Variants in CRTAM observed in about 807,000 individuals in gnomAD.
The protein encoded by CRTAM is cytotoxic and regulatory T cell molecule.
Under a neutral mutation model 50.0 loss-of-function variants are expected in CRTAM, and 44 were observed. The observed-to-expected ratio is 0.88, with a 90% CI of 0.69 to 1.13. The LOEUF (loss-of-function observed/expected upper bound fraction) is 1.13, where lower values mean the gene tolerates loss of function less well. CRTAM is among the 50% of genes most tolerant of loss of function. The probability of loss-of-function intolerance (pLI) is 0.00; values close to 1 mark genes in which losing one functional copy is unlikely to be tolerated. For synonymous variants in CRTAM, 159 were observed against 169.3 expected, an observed-to-expected ratio of 0.94 and a Z score of 0.47; for missense variants, 448 against 457.5, an observed-to-expected ratio of 0.98 and a Z score of 0.19.
intron 5 of CRTAM, among the ~76,000 whole-genome samples, chr11:122,860,043 A>ACT (rs1862052447): frequency 6.6e-6 from 1 of 152,174 alleles, no homozygotes; most frequent in Admixed American, 6.6e-5. Context: ...ACTATTGCAA[A>ACT]TGAGGAGCTA....
intron 5 of CRTAM, among the ~76,000 whole-genome samples, chr11:122,860,251 T>C (rs936785193): frequency 5.9e-5 from 9 of 152,290 alleles, no homozygotes; most frequent in Non-Finnish European, 1.2e-4. Flanking sequence ...GGTTTCACCA[T>C]GTTGACCAGG....
At chr11:122,850,836 C>G (rs1861921108) in intron 2 of CRTAM, among the ~76,000 whole-genome samples, 1 of 152,234 alleles carries the variant, frequency 6.6e-6, no homozygotes. Flanking sequence ...TTGGGTTCAT[C>G]TCTTTGACGT....
intron 9 of CRTAM, 32 bp from the exon 10 acceptor site, chr11:122,871,237 A>G: frequency 6.3e-7 from 1 of 1,582,942 alleles, no homozygotes; most frequent in Non-Finnish European, 8.6e-7. Context: ...TATTCAAAAT[A>G]AATATTCATC....
At position 122,871,311 on chromosome 11, in the gene CRTAM, A is replaced by T; in HGVS notation, c.1094A>T (p.Tyr365Phe). Residue 365 changes from tyrosine (Y) to phenylalanine (F), a missense_variant, in exon 10 of 10, where the codon TAC becomes TTC. By Grantham distance (22) the Tyr-to-Phe change is conservative. Coordinates refer to ENST00000227348, the MANE Select transcript of CRTAM (RefSeq NM_019604.4). ...MRCMNYITKL[Y>F]SEAKTKRKEN... ...TGCATGAACTACATCACAAAGTTGT[A>T]CTCAGAAGCAAAAACAAAGAGGAAG... The T allele has an allele frequency of 6.2e-7, 1 of 1,613,818 alleles. No homozygotes were observed. The highest frequency in any genetic ancestry group is 8.5e-7 in the Non-Finnish European group (1 of 1,179,748).
intron 5 of CRTAM, among the ~76,000 whole-genome samples, chr11:122,856,600 G>A (rs973407941): frequency 6.6e-6 from 1 of 152,192 alleles, no homozygotes; most frequent in Non-Finnish European, 1.5e-5. Context: ...AAAGTATAAG[G>A]AATTACTCAC....
At chr11:122,863,345 GAAAGAA>G (rs1241923312) in intron 6 of CRTAM, among the ~76,000 whole-genome samples, 1,230 of 75,944 alleles carry the variant, frequency 0.016, 16 homozygotes, top group Middle Eastern at 0.029. Context: ...AAGAAAGAAA[GAAAGAA>G]AAAGAAAGAA....
In CRTAM at chr11:122,848,310, C is replaced by A. The variant is rs148459984; in HGVS notation, c.47-1758C>A. Among the ~76,000 whole-genome samples, 204 of 152,318 alleles carry A rather than the reference C, an allele frequency of 1.3e-3. 1 individual carries two copies. The highest frequency in any genetic ancestry group is 4.6e-3 in the African/African-American group (193 of 41,580). ...CAGCAAAAATCCCTTAGAAGAAATT[C>A]TATTGTCATTCTCTATTAATATCAT... On this transcript the variant is annotated intron_variant, in intron 1 of 9. Transcript: ENST00000227348.
At chr11:122,838,631 C>T (rs547814401) in intron 1 of CRTAM, 39 bp downstream of exon 1, 4 of 1,603,834 alleles carry the variant, frequency 2.5e-6, no homozygotes, top group Admixed American at 3.3e-5. Context: ...GCTCAGCTGA[C>T]TTAATGTTTT....
chr11:122,870,228 G>T (rs781430761), intron 9 of CRTAM, among the ~76,000 whole-genome samples: 7 of 151,934 alleles, frequency 4.6e-5, no homozygotes, highest in Admixed American at 2.0e-4. Context: ...CTACAGGCAC[G>T]CACCACCACG....
At chr11:122,858,091 T>C (rs992444690) in intron 5 of CRTAM, among the ~76,000 whole-genome samples, 13 of 152,160 alleles carry the variant, frequency 8.5e-5, no homozygotes, top group African/African-American at 3.1e-4. Flanking sequence ...TTTTAAATTT[T>C]TGCTGAGACG....
At chr11:122,852,328 C>G (rs755712449) in intron 3 of CRTAM, among the ~76,000 whole-genome samples, 1 of 152,182 alleles carries the variant, frequency 6.6e-6, no homozygotes, top group Non-Finnish European at 1.5e-5. Context: ...CAAACAATTC[C>G]TCTTTTCTGT....
Position 122,855,806 on chromosome 11 carries a change from G to C in CRTAM, c.602G>C (p.Arg201Thr), listed in dbSNP as rs1361060098. ...ACGGTGGACTGCATTATCCGACACA[G>C]AGGCCTGCAAGGGAGAAAACTAGTA... Reference protein sequence around the residue: ...NSTVDCIIRHRGLQGRKLVAP... With the variant: ...NSTVDCIIRHTGLQGRKLVAP... The change falls in exon 5 of 10, where the codon AGA (arginine) becomes ACA (threonine). Residue 201 changes from arginine to threonine, a missense_variant. Arg to Thr is a moderately conservative substitution (Grantham distance 71). Coordinates refer to ENST00000227348, the MANE Select transcript of CRTAM (RefSeq NM_019604.4). 2 of 1,614,140 alleles carry C rather than the reference G, an allele frequency of 1.2e-6. No homozygotes were observed. The highest frequency in any genetic ancestry group is 2.2e-5 in the South Asian group (2 of 91,082).
intron 5 of CRTAM, among the ~76,000 whole-genome samples, chr11:122,857,868 G>A (rs11218865): frequency 6.6e-6 from 1 of 152,114 alleles, no homozygotes; most frequent in African/African-American, 2.4e-5. Context: ...AAAGAGAGTA[G>A]AGCAACAGGA....
chr11:122,856,288 C>T (rs1862007049), intron 5 of CRTAM, among the ~76,000 whole-genome samples: 1 of 152,106 alleles, frequency 6.6e-6, no homozygotes, highest in South Asian at 2.1e-4. Flanking sequence ...GACATAATTC[C>T]TGTTTAGATT....
rs199677419 is a variant in CRTAM, at chr11:122,867,517, T to C, written c.926T>C (p.Ile309Thr). 5.8e-5 allele frequency: 94 copies of C among 1,614,094 alleles called. No individual in the cohort carries two copies. The highest frequency in any genetic ancestry group is 7.6e-5 in the Non-Finnish European group (90 of 1,179,988). ...FILFIIVQLF[I>T]MKLRKAHVIW... ...CTCTTCATCATAGTCCAGCTCTTCA[T>C]CATGAAGCTGAGGAAAGCACATGTG... The change falls in exon 8 of 10, where the codon ATC becomes ACC. Residue 309 changes from isoleucine (I) to threonine (T), a missense_variant. Coordinates refer to ENST00000227348, the MANE Select transcript of CRTAM (RefSeq NM_019604.4).
Position 122,854,045 on chromosome 11 carries a change from C to T in CRTAM, c.449C>T (p.Pro150Leu), listed in dbSNP as rs753734944. 3 of 1,614,040 alleles carry T rather than the reference C, an allele frequency of 1.9e-6. No homozygotes were observed. Among genetic ancestry groups the T allele is most frequent in the African/African-American group, 1.3e-5 (1 of 75,028 alleles). ...TCCACCATGAGAAGCAAGCCCCCTC[C>T]GCAGATAACCTGGCTACTTGGGAAT... ...MCSTMRSKPPPQITWLLGNSM... is the reference protein window; with the variant it reads ...MCSTMRSKPPLQITWLLGNSM... The change falls in exon 4 of 10, where the codon CCG (proline) becomes CTG (leucine). Residue 150 changes from proline (P) to leucine (L), a missense_variant. Pro to Leu is a moderately conservative substitution (Grantham distance 98, BLOSUM62 -3). Coordinates refer to ENST00000227348, the MANE Select transcript of CRTAM (RefSeq NM_019604.4).
chr11:122,863,272 A>AAAAG (rs5795356), intron 6 of CRTAM, among the ~76,000 whole-genome samples: 129,396 of 140,666 alleles, frequency 0.92, 59,364 homozygotes, highest in Middle Eastern at 0.99. Flanking sequence ...GAAAGAAAGA[A>AAAAG]AAAGAAAGAA....
At chr11:122,867,577 C>G in intron 8 of CRTAM, 22 bp downstream of exon 8, 1 of 1,604,578 alleles carries the variant, frequency 6.2e-7, no homozygotes, top group Non-Finnish European at 8.5e-7. Flanking sequence ...GGGAACCTGA[C>G]GGGGGCTATA....
chr11:122,854,139 G>A (rs1389552488), intron 4 of CRTAM, 53 bp downstream of exon 4: 56 of 1,583,628 alleles, frequency 3.5e-5, no homozygotes, highest in Non-Finnish European at 4.4e-5. Flanking sequence ...ATTTCCAGGG[G>A]ATTTTTAAAT....
Sources: allele counts gnomAD v4.1 joint callset (sites outside exome capture counted in the v4.1 genomes callset), GRCh38; gene constraint gnomAD v4.1.1; transcripts MANE v1.5; gene names NCBI Gene and HGNC (gene_info 2026-07-23, HGNC 2026-07-21).